PIEZO2: variants seen among roughly 807,000 people sequenced by gnomAD.
The protein encoded by PIEZO2 is piezo type mechanosensitive ion channel component 2, also known as piezo-type mechanosensitive ion channel component 2.
In PIEZO2, 172 loss-of-function variants were observed where a neutral mutation model predicts 337.3. The observed-to-expected ratio is 0.51, with a 90% CI of 0.45 to 0.58. The LOEUF (loss-of-function observed/expected upper bound fraction) is 0.58. Among genes scored for constraint, PIEZO2 ranks in the 20% least tolerant of loss-of-function variants. PIEZO2 has a pLI of 0.00. For synonymous variants in PIEZO2, 1,251 were observed against 1,228.5 expected (o/e 1.02, Z -0.38); for missense variants, 3,028 against 3,391.3 (o/e 0.89, Z 2.66).
rs1175084752 is a variant in PIEZO2, at chr18:11,028,148, A to C, written c.160+37979T>G. 6.6e-6 allele frequency among the ~76,000 whole-genome samples: 1 copy of C among 152,238 alleles called. No homozygotes were observed. The highest frequency in any genetic ancestry group is 2.4e-5 in the African/African-American group (1 of 41,468). On this transcript the variant is annotated intron_variant, in intron 2 of 55. Coordinates refer to ENST00000674853, the MANE Select transcript of PIEZO2 (RefSeq NM_001378183.1). The surrounding 1 kb of genome is among the most constrained non-coding windows in gnomAD (Gnocchi z 4.8). ...GGCACCACGAGCTGCAAGTTCTACA[A>C]ACTGTAACTTGGATTCTTCTTCCAG...
At chr18:10,714,156 T>C (rs1178889177) in intron 39 of PIEZO2, among the ~76,000 whole-genome samples, 2 of 152,114 alleles carry the variant, frequency 1.3e-5, no homozygotes, top group Admixed American at 1.3e-4. Flanking sequence ...GGGATAATAA[T>C]AGCATGCATC....
chr18:10,770,613 TTCTC>T (rs1191157386), intron 20 of PIEZO2, among the ~76,000 whole-genome samples: 34 of 152,068 alleles, frequency 2.2e-4, no homozygotes, highest in African/African-American at 6.5e-4. Context: ...CTTGCTTGCT[TTCTC>T]TCTCTCTCTT....
chr18:10,901,787 T>C (rs1240401564), intron 4 of PIEZO2, among the ~76,000 whole-genome samples: 1 of 152,130 alleles, frequency 6.6e-6, no homozygotes, highest in Non-Finnish European at 1.5e-5. Context: ...TCATTAGTAA[T>C]ACAACTTCAT....
At chr18:11,082,885 C>G (rs184909736) in intron 1 of PIEZO2, among the ~76,000 whole-genome samples, 4 of 152,112 alleles carry the variant, frequency 2.6e-5, no homozygotes, top group Admixed American at 2.0e-4. Flanking sequence ...TTGTAATGAG[C>G]GACATTGCAA....
At chr18:10,889,056 T>C (rs2144917989) in intron 4 of PIEZO2, among the ~76,000 whole-genome samples, 1 of 152,292 alleles carries the variant, frequency 6.6e-6, no homozygotes, top group South Asian at 2.1e-4. Context: ...CAAGGAATGA[T>C]GAAAAGGCAG....
chr18:11,033,861 C>A lies in PIEZO2; in HGVS notation c.160+32266G>T, dbSNP rs1471305856. ...TAAGAATGTGCAAAGCTGACAGTCA[C>A]GTTTTTTCCTAACTTTCCACCAAAA... On this transcript the variant is annotated intron_variant, in intron 2 of 55. Transcript: ENST00000674853. This position sits in a 1 kb window ranked among gnomAD's most constrained non-coding sequence, Gnocchi z 4.2. Among the ~76,000 whole-genome samples, 2 of 151,996 alleles carry A rather than the reference C, an allele frequency of 1.3e-5. No individual in the cohort carries two copies. The highest frequency in any genetic ancestry group is 2.4e-5 in the African/African-American group (1 of 41,382).
In PIEZO2 at chr18:10,704,496, G is replaced by A. The variant is rs372518362; in HGVS notation, c.6156C>T (p.Ser2052=). Residue 2052 remains serine, a synonymous_variant, in exon 42 of 56, where the codon TCC becomes TCT. Transcript: ENST00000674853. ...GGATGGGAAGCAGGAGCGTGATCAT[G>A]GAGGCAGAGACCATGTGGTTGAGGA... is the stretch of plus-strand genomic sequence containing the variant. ...VIILNHMVSA[S]MITLLLPILI... is the part of the protein sequence containing the mutation. The A allele has an allele frequency of 6.5e-7, 1 of 1,537,262 alleles. No individual in the cohort carries two copies. Among genetic ancestry groups the A allele is most frequent in the African/African-American group, 1.4e-5 (1 of 73,154 alleles).
At chr18:10,967,844 T>G (rs2034075862) in intron 3 of PIEZO2, among the ~76,000 whole-genome samples, 1 of 152,186 alleles carries the variant, frequency 6.6e-6, no homozygotes. Context: ...TTATTAGTCT[T>G]TTGTCAGATG....
intron 2 of PIEZO2, among the ~76,000 whole-genome samples, chr18:10,984,836 C>T (rs2034806885): frequency 6.6e-6 from 1 of 152,002 alleles, no homozygotes; most frequent in Admixed American, 6.6e-5. Flanking sequence ...TTGAAAGCAG[C>T]AAGAGAAAAG....
At position 10,789,294 on chromosome 18, in the gene PIEZO2, T is replaced by C. The variant is rs1265493119; in HGVS notation, c.1954A>G (p.Lys652Glu). 6 of 1,537,222 alleles carry C rather than the reference T, an allele frequency of 3.9e-6. 1 individual carries two copies. In the South Asian group the frequency reaches 7.1e-5, roughly 18 times the overall value. ...EEEEEEAKEE[K>E]QERKKVEQEE... ...TGCTCTACCTTCTTTCTCTCTTGCT[T>C]CTCTTCCTTCGCTTCCTCTTCTTCC... The change falls in exon 15 of 56, where the codon AAG (lysine) becomes GAG (glutamate). Residue 652 changes from lysine to glutamate, a missense_variant. Transcript: ENST00000674853.
intron 2 of PIEZO2, among the ~76,000 whole-genome samples, chr18:11,006,823 C>A (rs979030910): frequency 4.6e-5 from 7 of 151,948 alleles, no homozygotes; most frequent in Non-Finnish European, 1.0e-4. Flanking sequence ...AAATTATTCC[C>A]TAGTAGTCTA....
chr18:10,863,246 C>A lies in PIEZO2; in HGVS notation c.493-6035G>T, dbSNP rs1456531830. On this transcript the variant is annotated intron_variant, in intron 5 of 55. Transcript: ENST00000674853. This position sits in a 1 kb window ranked among gnomAD's most constrained non-coding sequence, Gnocchi z 4.3. ...ACTCACTGCAGAAGATGAATTTCAT[C>A]CCCAGGGTTCCCTTGTGAAAGGAAG... 1.3e-5 allele frequency among the ~76,000 whole-genome samples: 2 copies of A among 152,146 alleles called. No homozygotes were observed. The highest frequency in any genetic ancestry group is 1.5e-5 in the Non-Finnish European group (1 of 68,028).
At chr18:10,887,781 A>G (rs2042649077) in intron 4 of PIEZO2, among the ~76,000 whole-genome samples, 1 of 152,168 alleles carries the variant, frequency 6.6e-6, no homozygotes, top group Non-Finnish European at 1.5e-5. Flanking sequence ...CTGAATGAGT[A>G]CCGTCTTTCA....
intron 49 of PIEZO2, among the ~76,000 whole-genome samples, chr18:10,683,475 T>G (rs1161305731): frequency 6.6e-6 from 1 of 152,230 alleles, no homozygotes; most frequent in Non-Finnish European, 1.5e-5. Context: ...ATGGTAGCAG[T>G]GCATTTTGAT....
intron 42 of PIEZO2, among the ~76,000 whole-genome samples, chr18:10,703,467 G>A (rs2035426713): frequency 6.6e-6 from 1 of 152,182 alleles, no homozygotes; most frequent in African/African-American, 2.4e-5. Flanking sequence ...TTACTGTATA[G>A]CTTTGTTTTA....
In PIEZO2 at chr18:10,794,978, A is replaced by G. The variant is rs944137492; in HGVS notation, c.1552T>C (p.Trp518Arg). The change falls in exon 13 of 56, where the codon TGG (tryptophan) becomes CGG (arginine). Residue 518 changes from tryptophan to arginine, a missense_variant. By Grantham distance (101) the Trp-to-Arg change is moderately radical. Transcript: ENST00000674853. This position sits in a 1 kb window ranked among gnomAD's most constrained non-coding sequence, Gnocchi z 6.6. The part of the protein sequence containing the change: ...MMAWSITYHS[W>R]LTFVLLIWSC... ...CAGATCAGCAGCACGAAGGTCAGCC[A>G]GCTGTGATAGGTGATGCTCCAGGCC... 1 of 1,547,990 alleles carries G rather than the reference A, an allele frequency of 6.5e-7. No homozygotes were observed. Among genetic ancestry groups the G allele is most frequent in the African/African-American group, 1.4e-5 (1 of 73,070 alleles).
In PIEZO2 at chr18:11,113,489, G is replaced by A. The variant is rs994486241; in HGVS notation, c.64+35036C>T. Among the ~76,000 whole-genome samples, 6 of 152,116 alleles carry A rather than the reference G, an allele frequency of 3.9e-5. 1 individual carries two copies. The South Asian group carries it at 6.2e-4, about 16-fold the overall frequency. On this transcript the variant is annotated intron_variant, in intron 1 of 55. Coordinates refer to ENST00000674853, the MANE Select transcript of PIEZO2 (RefSeq NM_001378183.1). ...CTCAGGGAAAACCCTCCGGATATGC[G>A]GATTCACTGTCCCATCCTTCTTCCT...
intron 2 of PIEZO2, among the ~76,000 whole-genome samples, chr18:11,053,435 A>AAAT (rs766739992): frequency 6.6e-6 from 1 of 152,236 alleles, no homozygotes; most frequent in South Asian, 2.1e-4. Context: ...CTGTGCTTCA[A>AAAT]AATAATAATA....
chr18:10,684,108 CTT>C (rs150979283), intron 49 of PIEZO2, among the ~76,000 whole-genome samples: 92,937 of 123,164 alleles, frequency 0.75, 36,145 homozygotes, highest in Non-Finnish European at 0.84. Context: ...TTCTCTCTCT[CTT>C]TCTTTCTTTC....
Sources: gnomAD v4.1 joint callset for allele counts (sites outside exome capture counted in the v4.1 genomes callset) on GRCh38, gnomAD v4.1.1 for gene constraint, Gnocchi (gnomAD v3.1) non-coding constraint, MANE v1.5 for transcripts, NCBI Gene and HGNC (gene_info 2026-07-23, HGNC 2026-07-21) for gene names.